CYP2F1: variants seen among roughly 807,000 people sequenced by gnomAD.
The protein encoded by CYP2F1 is cytochrome P450 2F1.
Under a neutral mutation model 40.4 loss-of-function variants are expected in CYP2F1, and 33 were observed. The ratio of observed to expected loss-of-function variants is 0.82; its 90% CI spans 0.62 to 1.09. The LOEUF is 1.09. Ranked by LOEUF, CYP2F1 falls within the 50% of genes least tolerant of loss-of-function variation. The pLI, the probability that CYP2F1 is intolerant of heterozygous loss-of-function variation, is 0.00. For synonymous variants in CYP2F1, 235 were observed against 277.2 expected (o/e 0.85, Z 1.51); for missense variants, 566 against 655.7 (o/e 0.86, Z 1.49).
intron 1 of CYP2F1, 66 bp from the exon 2 acceptor site, chr19:41,116,112 C>A: frequency 2.1e-6 from 3 of 1,442,154 alleles, no homozygotes; most frequent in Admixed American, 2.0e-5. Flanking sequence ...GAAGGTAAGT[C>A]CCAGGGGAGA....
rs774686999 is a variant in CYP2F1, at chr19:41,121,659, G to A, written c.645+41G>A. The A allele has an allele frequency of 5.8e-6, 9 of 1,553,624 alleles. No individual in the cohort carries two copies. In the East Asian group the frequency reaches 1.1e-4, roughly 19 times the overall value. On this transcript the variant is annotated intron_variant, in intron 5 of 9. Coordinates refer to ENST00000331105, the MANE Select transcript of CYP2F1 (RefSeq NM_000774.5). ...CCAGCAGGGGCAGGGTGTGGGGTCC[G>A]CAGGATCTAGGAATGGAGAGGAAAC...
Position 41,124,737 on chromosome 19 carries a change from T to A in CYP2F1, c.983T>A (p.Ile328Asn), listed in dbSNP as rs372824170. The change falls in exon 8 of 10, where the codon ATC becomes AAC. Residue 328 changes from isoleucine (I) to asparagine (N), a missense_variant. Physicochemically the swap from Ile to Asn is moderately radical, Grantham distance 149. Transcript: ENST00000331105. ...PKVQARVQEE[I>N]DLVVGRARLP... ...TCTCCAGCCCGCGTGCAGGAGGAGA[T>A]CGACCTCGTGGTGGGACGCGCGCGG... is the stretch of plus-strand genomic sequence containing the variant. 719 of 1,603,606 alleles carry A rather than the reference T, an allele frequency of 4.5e-4. 5 individuals carry two copies. The South Asian group carries it at 5.0e-3, about 11-fold the overall frequency.
Position 41,116,375 on chromosome 19 carries a change from C to G in CYP2F1, c.171+16C>G, listed in dbSNP as rs1448859073. 6.2e-7 allele frequency: 1 copy of G among 1,612,860 alleles called. No homozygotes were observed. The highest frequency in any genetic ancestry group is 8.5e-7 in the Non-Finnish European group (1 of 1,179,318). On this transcript the variant is annotated intron_variant, in intron 2 of 9. Coordinates refer to ENST00000331105, the MANE Select transcript of CYP2F1 (RefSeq NM_000774.5). ...TCTCACTAAGGTGCAAGGCCCTTAG[C>G]TTGGGTGATGGTGGAAGGATAAGGA... is the stretch of plus-strand genomic sequence containing the variant.
At chr19:41,122,672 C>T in intron 6 of CYP2F1, 150 bp from the exon 7 acceptor site, 1 of 733,666 alleles carries the variant, frequency 1.4e-6, no homozygotes, top group Non-Finnish European at 2.1e-6. Context: ...TGAGATTTTC[C>T]CTGCCCTGCC....
In CYP2F1 at chr19:41,115,871, C is replaced by G. The variant is rs138849630; in HGVS notation, c.-11-307C>G. ...GACAGACATCTGTAGATATGTAGAT[C>G]GCTCACTGTTTTTCTGTCTCTCTCA... On this transcript the variant is annotated intron_variant, in intron 1 of 9. Coordinates refer to ENST00000331105, the MANE Select transcript of CYP2F1 (RefSeq NM_000774.5). 4.1e-4 allele frequency among the ~76,000 whole-genome samples: 63 copies of G among 151,954 alleles called. 1 individual carries two copies. Among genetic ancestry groups the G allele is most frequent in the African/African-American group, 1.3e-3 (55 of 41,440 alleles).
chr19:41,124,245 T>TTC (rs374387876), intron 7 of CYP2F1, among the ~76,000 whole-genome samples: 422 of 29,802 alleles, frequency 0.014, 26 homozygotes, highest in African/African-American at 0.058. Context: ...TTTTTCCTCT[T>TTC]CCCCCCCCCC....
In CYP2F1 at chr19:41,127,938, G is replaced by A; in HGVS notation, c.1332G>A (p.Met444Ile). The A allele has an allele frequency of 1.2e-6, 2 of 1,613,262 alleles. No homozygotes were observed. The highest frequency in any genetic ancestry group is 1.7e-6 in the Non-Finnish European group (2 of 1,179,916). ...RLCLGESLAR[M>I]ELFLYLTAIL... Reference sequence around the variant, plus strand: ...GCCTGGGAGAGTCGCTGGCGCGCATGGAGCTCTTTCTGTACCTCACCGCCA... The same window carrying A: ...GCCTGGGAGAGTCGCTGGCGCGCATAGAGCTCTTTCTGTACCTCACCGCCA... Residue 444 changes from methionine to isoleucine, a missense_variant, in exon 10 of 10, where the codon ATG becomes ATA. Transcript: ENST00000331105.
chr19:41,116,256 G>A lies in CYP2F1; in HGVS notation c.68G>A (p.Ser23Asn). ...CTCGTCTGTCTGCTCCTGACCCTAAGCTCAAGAGATAAGGGAAAGCTGCCT... is the reference window on the plus strand; with the variant it reads ...CTCGTCTGTCTGCTCCTGACCCTAAACTCAAGAGATAAGGGAAAGCTGCCT... ...LALVCLLLTL[S>N]SRDKGKLPPG... Residue 23 changes from serine (S) to asparagine (N), a missense_variant, in exon 2 of 10, where the codon AGC becomes AAC. Physicochemically the swap from Ser to Asn is conservative, Grantham distance 46. Coordinates refer to ENST00000331105, the MANE Select transcript of CYP2F1 (RefSeq NM_000774.5). 1 of 1,614,070 alleles carries A rather than the reference G, an allele frequency of 6.2e-7. No individual in the cohort carries two copies. The highest frequency in any genetic ancestry group is 8.5e-7 in the Non-Finnish European group (1 of 1,180,006).
chr19:41,121,423 G>A (rs760654203), intron 4 of CYP2F1, 35 bp from the exon 5 acceptor site: 8 of 1,592,166 alleles, frequency 5.0e-6, no homozygotes, highest in East Asian at 2.3e-5. Context: ...GCTGCACATC[G>A]CGTCTTCCTG....
intron 3 of CYP2F1, among the ~76,000 whole-genome samples, chr19:41,119,073 C>T (rs2031986437): frequency 6.6e-6 from 1 of 152,022 alleles, no homozygotes; most frequent in Non-Finnish European, 1.5e-5. Flanking sequence ...AACACTTGGC[C>T]CAGCCTAGAA....
chr19:41,124,249 C>T (rs1434014984), intron 7 of CYP2F1, among the ~76,000 whole-genome samples: 11 of 102,354 alleles, frequency 1.1e-4, no homozygotes, highest in Admixed American at 8.9e-4. Flanking sequence ...TCCTCTTCCC[C>T]CCCCCCTTTT....
chr19:41,117,395 G>A (rs538327647), intron 3 of CYP2F1, among the ~76,000 whole-genome samples: 6 of 152,102 alleles, frequency 3.9e-5, no homozygotes, highest in South Asian at 2.1e-4. Context: ...GCATCCCAAC[G>A]TGCTGGGATT....
Position 41,121,638 on chromosome 19 carries a change from C to T in CYP2F1, c.645+20C>T. 1 of 1,601,726 alleles carries T rather than the reference C, an allele frequency of 6.2e-7. No homozygotes were observed. Among genetic ancestry groups the T allele is most frequent in the Non-Finnish European group, 8.5e-7 (1 of 1,174,824 alleles). On this transcript the variant is annotated intron_variant, in intron 5 of 9. Transcript: ENST00000331105. ...GGCGAGGTCAGCCAACTGAGTCCAG[C>T]AGGGGCAGGGTGTGGGGTCCGCAGG...
chr19:41,118,837 A>G (rs2031972554), intron 3 of CYP2F1, among the ~76,000 whole-genome samples: 1 of 152,210 alleles, frequency 6.6e-6, no homozygotes, highest in South Asian at 2.1e-4. Flanking sequence ...TCAATGAGAC[A>G]ATGCATAAAA....
At chr19:41,116,418 A>T in intron 2 of CYP2F1, 37 bp from the exon 3 acceptor site, 1 of 1,608,208 alleles carries the variant, frequency 6.2e-7, no homozygotes, top group Non-Finnish European at 8.5e-7. Context: ...TCCCATGGCC[A>T]CAGGCCCCCC....
At chr19:41,124,310 C>CTGAAGT (rs1264638348) in intron 7 of CYP2F1, among the ~76,000 whole-genome samples, 1 of 115,140 alleles carries the variant, frequency 8.7e-6, no homozygotes, top group African/African-American at 3.3e-5. Context: ...GTCACCCAGG[C>CTGAAGT]TGAAGTGCAG....
rs1419030828 is a variant in CYP2F1 at position 41,128,217 on chromosome 19, C to T, written c.*135C>T. The T allele has an allele frequency of 2.7e-5, 22 of 827,164 alleles. 1 individual carries two copies. The African/African-American group carries it at 2.9e-4, about 11-fold the overall frequency. 51.2% of individuals were successfully genotyped at this position (827,164 alleles called of 1,614,324 possible). On this transcript the variant is annotated 3_prime_UTR_variant, in exon 10 of 10. Transcript: ENST00000331105. ...TCTTCCCTGCATGCTGTGCCTGCCGCGTGCCCTTCCCCCATCCCTCCAATC... is the reference window on the plus strand; with the variant it reads ...TCTTCCCTGCATGCTGTGCCTGCCGTGTGCCCTTCCCCCATCCCTCCAATC...
Position 41,121,443 on chromosome 19 carries a change from A to G in CYP2F1, c.485-15A>G, listed in dbSNP as rs1472423524. 2 of 1,603,832 alleles carry G rather than the reference A, an allele frequency of 1.2e-6. No homozygotes were observed. Among genetic ancestry groups the G allele is most frequent in the South Asian group, 2.2e-5 (2 of 90,360 alleles). ...ACATCGCGTCTTCCTGATCCATTGC[A>G]CTCCTTACCCTCAGGCGAGCCCTTT... On this transcript the variant is annotated splice_polypyrimidine_tract_variant and intron_variant, in intron 4 of 9. Transcript: ENST00000331105.
chr19:41,123,666 C>G (rs979738507), intron 7 of CYP2F1, among the ~76,000 whole-genome samples: 2 of 152,130 alleles, frequency 1.3e-5, no homozygotes, highest in Non-Finnish European at 2.9e-5. Context: ...CAGGCGTGCA[C>G]CACCACACTC....
Sources: gnomAD v4.1 joint callset for allele counts (sites outside exome capture counted in the v4.1 genomes callset) on GRCh38, gnomAD v4.1.1 for gene constraint, MANE v1.5 for transcripts, NCBI Gene and HGNC (gene_info 2026-07-23, HGNC 2026-07-21) for gene names.